The following AK5 variants were observed in gnomAD, a reference collection of about 807,000 sequenced individuals.
The protein encoded by AK5 is adenylate kinase isoenzyme 5.
Under a neutral mutation model 69.5 loss-of-function variants are expected in AK5, and 27 were observed. The observed-to-expected ratio is 0.39, with a 90% CI of 0.29 to 0.54. The LOEUF is 0.54. Ranked by LOEUF, AK5 falls within the 20% of genes least tolerant of loss-of-function variation. The probability of loss-of-function intolerance (pLI) is 0.71; values close to 1 mark genes in which losing one functional copy is unlikely to be tolerated. For synonymous variants in AK5, 260 were observed against 244.4 expected, an observed-to-expected ratio of 1.06 and a Z score of -0.60; for missense variants, 531 against 700.4, an observed-to-expected ratio of 0.76 and a Z score of 2.73.
intron 6 of AK5, among the ~76,000 whole-genome samples, chr1:77,350,510 ATAT>A (rs1662136469): frequency 6.6e-6 from 1 of 152,204 alleles, no homozygotes; most frequent in Non-Finnish European, 1.5e-5. Context: ...ACAGCTAGAA[ATAT>A]TAAGCTGGTA....
At chr1:77,319,953 A>G (rs1660440301) in intron 5 of AK5, among the ~76,000 whole-genome samples, 1 of 152,216 alleles carries the variant, frequency 6.6e-6, no homozygotes, top group African/African-American at 2.4e-5. Context: ...ATTCTACAGA[A>G]GGTGTATTAG....
chr1:77,368,245 A>ATATATATATATATATATATATAT (rs376578923), intron 6 of AK5, among the ~76,000 whole-genome samples: 1 of 67,910 alleles, frequency 1.5e-5, no homozygotes, highest in Non-Finnish European at 2.9e-5. Context: ...ATATATATAT[A>ATATATATATATATATATATATAT]TATATATAAT....
rs754104967 is a variant in AK5, at chr1:77,521,934, C to T, written c.1419C>T (p.Phe473=). 9.3e-6 allele frequency: 15 copies of T among 1,608,956 alleles called. No homozygotes were observed. The highest frequency in any genetic ancestry group is 3.4e-5 in the Admixed American group (2 of 59,066). ...YPREVKQGEE[F]GRRIGDPQLV... ...GGGAGGTGAAGCAAGGGGAAGAGTT[C>T]GGACGCAGGGTGAGTGGTTGTTACG... The change falls in exon 12 of 14, where the codon TTC becomes TTT. Residue 473 remains phenylalanine (F), a synonymous_variant. Transcript: ENST00000354567.
chr1:77,504,519 A>G (rs1557641393), intron 10 of AK5, among the ~76,000 whole-genome samples: 1 of 152,126 alleles, frequency 6.6e-6, no homozygotes, highest in Non-Finnish European at 1.5e-5. Context: ...ACAAAACCTC[A>G]TGGGCATCTT....
chr1:77,437,968 C>T (rs956010562), intron 8 of AK5, among the ~76,000 whole-genome samples: 4 of 151,994 alleles, frequency 2.6e-5, no homozygotes, highest in Non-Finnish European at 5.9e-5. Context: ...TTTTAATTAA[C>T]TAAAGCAATT....
intron 13 of AK5, among the ~76,000 whole-genome samples, chr1:77,536,520 A>G (rs1348609053): frequency 6.6e-6 from 1 of 152,224 alleles, no homozygotes; most frequent in East Asian, 1.9e-4. Flanking sequence ...TATTTCAATC[A>G]AAATTAAATA....
intron 6 of AK5, among the ~76,000 whole-genome samples, chr1:77,381,851 T>C (rs1186622707): frequency 6.6e-6 from 1 of 152,186 alleles, no homozygotes; most frequent in African/African-American, 2.4e-5. Flanking sequence ...AAATTCCACA[T>C]TGACATGGAA....
At chr1:77,359,699 A>G (rs1646828455) in intron 6 of AK5, among the ~76,000 whole-genome samples, 1 of 152,244 alleles carries the variant, frequency 6.6e-6, no homozygotes, top group South Asian at 2.1e-4. Flanking sequence ...TATTTGCCAT[A>G]AGGGAAAGTG....
intron 5 of AK5, chr1:77,314,436 G>T: frequency 6.6e-6 from 1 of 152,318 alleles, no homozygotes; most frequent in Non-Finnish European, 1.5e-5. Flanking sequence ...CCAGGAGAAT[G>T]GACCAAGAAA....
intron 12 of AK5, among the ~76,000 whole-genome samples, chr1:77,526,723 C>G (rs538812032): frequency 6.6e-6 from 1 of 151,506 alleles, no homozygotes; most frequent in Admixed American, 6.6e-5. Flanking sequence ...GATCTGCCCT[C>G]TCAGCCTCCC....
chr1:77,297,738 T>G lies in AK5; in HGVS notation c.585+10T>G. 1 of 1,608,050 alleles carries G rather than the reference T, an allele frequency of 6.2e-7. No homozygotes were observed. Among genetic ancestry groups the G allele is most frequent in the Non-Finnish European group, 8.5e-7 (1 of 1,178,086 alleles). On this transcript the variant is annotated intron_variant, in intron 4 of 13. Transcript: ENST00000354567. ...AGAATTGGCCCCACAGGTACTGCTG[T>G]ATAATTATCTTTTATTCTGCAAAAT...
intron 5 of AK5, among the ~76,000 whole-genome samples, chr1:77,333,250 TTTAC>T (rs1661180915): frequency 6.6e-6 from 1 of 152,186 alleles, no homozygotes; most frequent in East Asian, 1.9e-4. Context: ...GAGTCCACCT[TTTAC>T]TTAGCCGTTT....
chr1:77,382,596 C>A (rs189681686), intron 6 of AK5, among the ~76,000 whole-genome samples: 1 of 152,150 alleles, frequency 6.6e-6, no homozygotes, highest in African/African-American at 2.4e-5. Context: ...GTGAGTCACC[C>A]GTCTCAGCTT....
At chr1:77,284,991 T>A (rs1195886763) in intron 1 of AK5, among the ~76,000 whole-genome samples, 1 of 152,228 alleles carries the variant, frequency 6.6e-6, no homozygotes, top group Non-Finnish European at 1.5e-5. Flanking sequence ...GAGAATCTCA[T>A]GTTTTCTTTT....
chr1:77,542,962 A>T (rs967688192), intron 13 of AK5, among the ~76,000 whole-genome samples: 1 of 144,532 alleles, frequency 6.9e-6, no homozygotes, highest in Admixed American at 6.8e-5. Flanking sequence ...AGTTTTGCAG[A>T]CAGACAATCA....
intron 8 of AK5, among the ~76,000 whole-genome samples, chr1:77,476,691 G>T (rs531664719): frequency 6.6e-5 from 10 of 152,088 alleles, no homozygotes; most frequent in Non-Finnish European, 1.3e-4. Context: ...TGGGAAGCCC[G>T]ACCCACCAGG....
chr1:77,476,907 TA>T (rs1553155235), intron 8 of AK5, among the ~76,000 whole-genome samples: 130 of 148,028 alleles, frequency 8.8e-4, no homozygotes, highest in South Asian at 3.2e-3. Context: ...GCTGTTTTTT[TA>T]AAAAAAAAAA....
At chr1:77,376,459 A>C (rs1373636349) in intron 6 of AK5, among the ~76,000 whole-genome samples, 1 of 147,698 alleles carries the variant, frequency 6.8e-6, no homozygotes, top group African/African-American at 2.5e-5. Context: ...AACAAAAAAA[A>C]AAAACATGTC....
chr1:77,367,823 A>ATATATTATATGTTATATATATTATATAT (rs1375836379), intron 6 of AK5, among the ~76,000 whole-genome samples: 1 of 34,400 alleles, frequency 2.9e-5, no homozygotes, highest in Non-Finnish European at 5.1e-5. Context: ...TATATATATT[A>ATATATTATATGTTATATATATTATATAT]TATATAATAT....
Sources: gnomAD v4.1 joint callset for allele counts (sites outside exome capture counted in the v4.1 genomes callset) on GRCh38, gnomAD v4.1.1 for gene constraint, MANE v1.5 for transcripts, NCBI Gene and HGNC (gene_info 2026-07-23, HGNC 2026-07-21) for gene names.